DHRS3: variants seen among roughly 807,000 people sequenced by gnomAD.
DHRS3 encodes dehydrogenase/reductase 3, also known as short-chain dehydrogenase/reductase 3.
DHRS3 carries 14 observed loss-of-function variants against 27.2 expected under a neutral mutation model. That is an observed-to-expected ratio of 0.52 (90% CI 0.34 to 0.81). The LOEUF (loss-of-function observed/expected upper bound fraction) is 0.81. DHRS3 is among the 30% of genes least tolerant of loss of function. DHRS3 has a pLI of 0.01. For synonymous variants in DHRS3, 165 were observed against 175.9 expected (o/e 0.94, Z 0.49); for missense variants, 322 against 406.2 (o/e 0.79, Z 1.78).
rs75216038 is a variant in DHRS3 at position 12,616,771 on chromosome 1, C to A, written c.195+383G>T. 1.1e-3 allele frequency: 1,130 copies of A among 1,059,812 alleles called. 11 individuals are homozygous for A. The African/African-American group carries it at 0.017, about 16-fold the overall frequency. The allele number at this position is 1,059,812 out of a possible 1,614,324, so 65.7% of individuals were successfully genotyped here. ...GCTAGCAGGCGGCTCCCAGCTCTACCCAGGAGTGCGCACACCCTGCACTCA... is the reference window on the plus strand; with the variant it reads ...GCTAGCAGGCGGCTCCCAGCTCTACACAGGAGTGCGCACACCCTGCACTCA... On this transcript the variant is annotated intron_variant, in intron 1 of 5. Coordinates refer to ENST00000616661, the MANE Select transcript of DHRS3 (RefSeq NM_004753.7).
intron 1 of DHRS3, among the ~76,000 whole-genome samples, chr1:12,607,202 G>C (rs1646877682): frequency 6.6e-6 from 1 of 152,100 alleles, no homozygotes; most frequent in South Asian, 2.1e-4. Context: ...GGTTTTGATG[G>C]GAAATCATTA....
intron 1 of DHRS3, among the ~76,000 whole-genome samples, chr1:12,584,953 GTGTC>G (rs1341075752): frequency 2.6e-5 from 4 of 151,814 alleles, no homozygotes; most frequent in Admixed American, 6.6e-5. Context: ...GTCTCTCCGT[GTGTC>G]TGTGGGTGTC....
chr1:12,577,979 C>A (rs965555261), intron 4 of DHRS3, among the ~76,000 whole-genome samples: 1 of 152,156 alleles, frequency 6.6e-6, no homozygotes, highest in East Asian at 1.9e-4. Context: ...CTAGTTCCCT[C>A]GCCTCCCTCC....
chr1:12,569,225 T>A (rs61776824), intron 5 of DHRS3, among the ~76,000 whole-genome samples: 66 of 118,030 alleles, frequency 5.6e-4, no homozygotes, highest in African/African-American at 2.4e-3. Flanking sequence ...CCCCTCTCTC[T>A]CTCTCTCACA....
chr1:12,591,471 C>T lies in DHRS3; in HGVS notation c.196-10805G>A, dbSNP rs934012792. ...CTCAAATTAGATCAGCCAGTGGTGTCGCCCTCCCACAAGTCCCTGACCGCA... is the reference window on the plus strand; with the variant it reads ...CTCAAATTAGATCAGCCAGTGGTGTTGCCCTCCCACAAGTCCCTGACCGCA... On this transcript the variant is annotated intron_variant, in intron 1 of 5. Transcript: ENST00000616661. The surrounding 1 kb of genome is among the most constrained non-coding windows in gnomAD (Gnocchi z 4.1). Among the ~76,000 whole-genome samples, 12 of 152,214 alleles carry T rather than the reference C, an allele frequency of 7.9e-5. No individual in the cohort carries two copies. Among genetic ancestry groups the T allele is most frequent in the Non-Finnish European group, 1.3e-4 (9 of 68,042 alleles).
intron 5 of DHRS3, among the ~76,000 whole-genome samples, chr1:12,570,663 A>C (rs187946283): frequency 6.6e-6 from 1 of 152,306 alleles, no homozygotes; most frequent in Non-Finnish European, 1.5e-5. Flanking sequence ...TTCTAGACCA[A>C]CTTTTCTCTA....
chr1:12,579,376 C>T lies in DHRS3; in HGVS notation c.376G>A (p.Val126Met), dbSNP rs775890186. The change falls in exon 3 of 6, where the codon GTG becomes ATG. Residue 126 changes from valine (V) to methionine (M), a missense_variant. Transcript: ENST00000616661. Reference protein sequence around the residue: ...DITILVNNAAVVHGKSLMDSD... With the variant: ...DITILVNNAAMVHGKSLMDSD... Reference sequence around the variant, plus strand: ...TCCATTAGGCTCTTCCCATGGACCACGGCGGCATTGTTCACCAGGATGGTG... The same window carrying T: ...TCCATTAGGCTCTTCCCATGGACCATGGCGGCATTGTTCACCAGGATGGTG... 20 of 1,614,048 alleles carry T rather than the reference C, an allele frequency of 1.2e-5. No individual in the cohort carries two copies. The highest frequency in any genetic ancestry group is 7.7e-5 in the South Asian group (7 of 91,090).
intron 2 of DHRS3, chr1:12,579,748 C>G (rs1485994630): frequency 8.0e-6 from 2 of 249,540 alleles, no homozygotes. Flanking sequence ...GCTGGGATTA[C>G]AGGTGTGAGC....
intron 1 of DHRS3, among the ~76,000 whole-genome samples, chr1:12,589,870 C>T (rs777679886): frequency 7.1e-6 from 1 of 140,552 alleles, no homozygotes; most frequent in Non-Finnish European, 1.5e-5. Context: ...TTATTATTAG[C>T]ACAGCAACAG....
chr1:12,600,038 T>C (rs1202505167), intron 1 of DHRS3, among the ~76,000 whole-genome samples: 1 of 152,198 alleles, frequency 6.6e-6, no homozygotes, highest in Non-Finnish European at 1.5e-5. Context: ...TGGTCCACCC[T>C]ACCAAGGCAT....
intron 1 of DHRS3, among the ~76,000 whole-genome samples, chr1:12,584,407 A>G (rs1362723742): frequency 6.6e-6 from 1 of 151,960 alleles, no homozygotes; most frequent in Non-Finnish European, 1.5e-5. Context: ...GGGTCTGTTG[A>G]GGGTGCCCCA....
rs996063629 is a variant in DHRS3, at chr1:12,594,674, T to G, written c.196-14008A>C. ...GAGCATCCCTGGTGGAGGGAACAGT[T>G]GGTGCAAAGGCCCTGGGGTGGGAAT... On this transcript the variant is annotated intron_variant, in intron 1 of 5. Transcript: ENST00000616661. The surrounding 1 kb of genome is among the most constrained non-coding windows in gnomAD (Gnocchi z 4.1). 4.6e-5 allele frequency among the ~76,000 whole-genome samples: 7 copies of G among 152,090 alleles called. No individual in the cohort carries two copies. Among genetic ancestry groups the G allele is most frequent in the African/African-American group, 1.7e-4 (7 of 41,482 alleles).
Position 12,594,084 on chromosome 1 carries a change from G to A in DHRS3, c.196-13418C>T, listed in dbSNP as rs1215078549. On this transcript the variant is annotated intron_variant, in intron 1 of 5. Transcript: ENST00000616661. The surrounding 1 kb of genome is among the most constrained non-coding windows in gnomAD (Gnocchi z 4.1). Reference sequence around the variant, plus strand: ...AGTGCTGGGTGACCTTGGGGTGGGGGTGCCAAGGAGAGGAGGGAGGAGCCA... The same window carrying A: ...AGTGCTGGGTGACCTTGGGGTGGGGATGCCAAGGAGAGGAGGGAGGAGCCA... 6.6e-6 allele frequency among the ~76,000 whole-genome samples: 1 copy of A among 152,166 alleles called. No homozygotes were observed. The highest frequency in any genetic ancestry group is 1.9e-4 in the East Asian group (1 of 5,186).
chr1:12,580,749 A>G (rs1297364955), intron 1 of DHRS3, 83 bp from the exon 2 acceptor site: 11 of 1,509,460 alleles, frequency 7.3e-6, no homozygotes, highest in Non-Finnish European at 9.8e-6. Context: ...TTCAGGATTT[A>G]AAGTCATTTG....
chr1:12,586,929 T>C lies in DHRS3; in HGVS notation c.196-6263A>G, dbSNP rs1646701696. Among the ~76,000 whole-genome samples, 1 of 152,112 alleles carries C rather than the reference T, an allele frequency of 6.6e-6. No individual in the cohort carries two copies. Among genetic ancestry groups the C allele is most frequent in the Admixed American group, 6.5e-5 (1 of 15,268 alleles). ...CTCAGTACCCACTCCCTGTTGGTAT[T>C]TCCCGTGGGGAGGAAAAGCTGAGAA... On this transcript the variant is annotated intron_variant, in intron 1 of 5. Coordinates refer to ENST00000616661, the MANE Select transcript of DHRS3 (RefSeq NM_004753.7). This position sits in a 1 kb window ranked among gnomAD's most constrained non-coding sequence, Gnocchi z 5.0.
At chr1:12,605,907 G>A (rs1442120695) in intron 1 of DHRS3, among the ~76,000 whole-genome samples, 2 of 152,080 alleles carry the variant, frequency 1.3e-5, no homozygotes, top group East Asian at 1.9e-4. Context: ...TTGGGAGGCC[G>A]AGGCAGGCGG....
chr1:12,605,529 A>G (rs1463186903), intron 1 of DHRS3, among the ~76,000 whole-genome samples: 1 of 152,210 alleles, frequency 6.6e-6, no homozygotes, highest in Non-Finnish European at 1.5e-5. Context: ...TCCTACATTC[A>G]TGCTTTTACC....
chr1:12,578,729 G>T lies in DHRS3; in HGVS notation c.687C>A (p.Gly229=). The T allele has an allele frequency of 6.2e-7, 1 of 1,613,114 alleles. No individual in the cohort carries two copies. Among genetic ancestry groups the T allele is most frequent in the South Asian group, 1.1e-5 (1 of 91,064 alleles). ...PFHTSTEMFQ[G]MRVRFPNLFP... ...CCCTGCTCACTGACCTGACTCTCAT[G>T]CCCTGGAACATCTCGGTGCTGGTGT... is the stretch of plus-strand genomic sequence containing the variant. The change falls in exon 4 of 6, where the codon GGC becomes GGA. Residue 229 remains glycine (G), a synonymous_variant. Transcript: ENST00000616661. The surrounding 1 kb of genome is among the most constrained non-coding windows in gnomAD (Gnocchi z 4.5).
chr1:12,617,126 CA>C (rs1557536859), intron 1 of DHRS3, 27 bp downstream of exon 1: 1 of 1,596,774 alleles, frequency 6.3e-7, no homozygotes, highest in East Asian at 2.3e-5. Flanking sequence ...TGCGGCCCCC[CA>C]CTCCCTGGAG....
Sources: gnomAD v4.1 joint callset for allele counts (sites outside exome capture counted in the v4.1 genomes callset) on GRCh38, gnomAD v4.1.1 for gene constraint, Gnocchi (gnomAD v3.1) non-coding constraint, MANE v1.5 for transcripts, NCBI Gene and HGNC (gene_info 2026-07-23, HGNC 2026-07-21) for gene names.